The following RASA1 variants were observed in gnomAD, a reference collection of about 807,000 sequenced individuals.
The protein encoded by RASA1 is RAS p21 protein activator 1, also known as ras GTPase-activating protein 1.
In RASA1, 25 loss-of-function variants were observed where a neutral mutation model predicts 132.2. The ratio of observed to expected loss-of-function variants is 0.19; its 90% CI spans 0.14 to 0.26. The LOEUF is 0.26. Among genes scored for constraint, RASA1 ranks in the 10% least tolerant of loss-of-function variants. The pLI, the probability that RASA1 is intolerant of heterozygous loss-of-function variation, is 1.00. For missense variants in RASA1, 964 were observed against 1,299.2 expected, an observed-to-expected ratio of 0.74 and a Z score of 3.97; for synonymous variants, 477 against 449.9, an observed-to-expected ratio of 1.06 and a Z score of -0.76.
chr5:87,344,369 A>G (rs1353071414), intron 6 of RASA1, among the ~76,000 whole-genome samples: 1 of 152,160 alleles, frequency 6.6e-6, no homozygotes, highest in Non-Finnish European at 1.5e-5. Context: ...AAAAAATTGA[A>G]TCTTATACTG....
chr5:87,325,324 G>A (rs1757151658), intron 1 of RASA1, among the ~76,000 whole-genome samples: 1 of 152,202 alleles, frequency 6.6e-6, no homozygotes, highest in Non-Finnish European at 1.5e-5. Context: ...TACAATTCAA[G>A]ATGAGATTTG....
chr5:87,268,673 C>G lies in RASA1; in HGVS notation c.222C>G (p.Ala74=). The G allele has an allele frequency of 1.2e-6, 2 of 1,611,214 alleles. No homozygotes were observed. The highest frequency in any genetic ancestry group is 1.7e-6 in the Non-Finnish European group (2 of 1,178,842). Residue 74 remains alanine, a synonymous_variant, in exon 1 of 25, where the codon GCC becomes GCG. Coordinates refer to ENST00000274376, the MANE Select transcript of RASA1 (RefSeq NM_002890.3). ...CTTTGGGGTCAGAGTTCCTAGGAGC[C>G]GGGTCTGTGGCAGGGGCACTGGGGG... ...GAALGSEFLG[A]GSVAGALGGA...
chr5:87,375,512 C>T (rs1013242929), intron 15 of RASA1, among the ~76,000 whole-genome samples: 14 of 152,134 alleles, frequency 9.2e-5, no homozygotes, highest in Non-Finnish European at 1.6e-4. Context: ...CTGCCGGCCT[C>T]GGCCTCCCAA....
intron 9 of RASA1, among the ~76,000 whole-genome samples, chr5:87,359,277 G>A (rs1235553169): frequency 3.9e-5 from 6 of 152,164 alleles, no homozygotes; most frequent in Non-Finnish European, 7.4e-5. Flanking sequence ...TTCAATGGCT[G>A]TTAGACTCTA....
At chr5:87,352,658 GT>G (rs1759361521) in intron 8 of RASA1, among the ~76,000 whole-genome samples, 1 of 151,344 alleles carries the variant, frequency 6.6e-6, no homozygotes, top group South Asian at 2.1e-4. Flanking sequence ...TTAGCTGGGG[GT>G]TTTTTTCTTC....
chr5:87,374,943 A>G, intron 15 of RASA1, 27 bp downstream of exon 15: 1 of 1,593,798 alleles, frequency 6.3e-7, no homozygotes. Flanking sequence ...ACTTTCTAAA[A>G]TAGAAAAAGC....
In RASA1 at chr5:87,306,972, C is replaced by T. The variant is rs149491729; in HGVS notation, c.540-24376C>T. Among the ~76,000 whole-genome samples the T allele has an allele frequency of 2.6e-5, 4 of 152,264 alleles. No individual in the cohort carries two copies. In the South Asian group the frequency reaches 6.2e-4, roughly 24 times the overall value. ...CTCCTGGGCTCAAGCAGTCCTCTTG[C>T]CTCAGCCTCCTGAGTAGCTGGGGAC... is the stretch of plus-strand genomic sequence containing the variant. On this transcript the variant is annotated intron_variant, in intron 1 of 24. Transcript: ENST00000274376.
chr5:87,278,297 A>G (rs2410742), intron 1 of RASA1, among the ~76,000 whole-genome samples: 4,838 of 152,094 alleles, frequency 0.032, 162 homozygotes, highest in African/African-American at 0.074. Flanking sequence ...CTGTAATCCC[A>G]GCACTTTGGG....
chr5:87,338,209 A>T, intron 5 of RASA1, 118 bp downstream of exon 5: 1 of 1,495,884 alleles, frequency 6.7e-7, no homozygotes. Flanking sequence ...AACTTAATTG[A>T]TAAGTACAAG....
At chr5:87,291,400 G>T (rs539383169) in intron 1 of RASA1, among the ~76,000 whole-genome samples, 1 of 152,138 alleles carries the variant, frequency 6.6e-6, no homozygotes, top group African/African-American at 2.4e-5. Flanking sequence ...ATGGTGGTCA[G>T]CACACCTGTG....
At chr5:87,320,449 G>A (rs1756701757) in intron 1 of RASA1, among the ~76,000 whole-genome samples, 1 of 152,192 alleles carries the variant, frequency 6.6e-6, no homozygotes, top group Admixed American at 6.5e-5. Context: ...AGTTCTGTAG[G>A]CTGTACAGGA....
At chr5:87,287,390 A>G (rs867317976) in intron 1 of RASA1, among the ~76,000 whole-genome samples, 7 of 148,218 alleles carry the variant, frequency 4.7e-5, no homozygotes, top group Non-Finnish European at 7.5e-5. Flanking sequence ...CACACCATAT[A>G]TATACCATAT....
At chr5:87,378,563 T>G in intron 18 of RASA1, 25 bp downstream of exon 18, 1 of 1,578,742 alleles carries the variant, frequency 6.3e-7, no homozygotes, top group Non-Finnish European at 8.7e-7. Context: ...TTTTAATAAG[T>G]ATTTTTGCAA....
intron 17 of RASA1, 57 bp downstream of exon 17, chr5:87,377,097 G>A: frequency 6.6e-7 from 1 of 1,526,278 alleles, no homozygotes; most frequent in Non-Finnish European, 9.1e-7. Context: ...TTTATATCAA[G>A]GATATATGGA....
intron 13 of RASA1, 38 bp from the exon 14 acceptor site, chr5:87,374,125 C>T (rs895882166): frequency 2.3e-5 from 30 of 1,288,596 alleles, no homozygotes; most frequent in Non-Finnish European, 2.8e-5. Context: ...TTCTAGAAAT[C>T]TGGGGTAATA....
intron 1 of RASA1, among the ~76,000 whole-genome samples, chr5:87,302,384 C>G (rs1394835796): frequency 6.6e-6 from 1 of 151,844 alleles, no homozygotes; most frequent in Non-Finnish European, 1.5e-5. Flanking sequence ...TTCAAGTCTT[C>G]TGTCCAGTTT....
At position 87,372,107 on chromosome 5, in the gene RASA1, T is replaced by G. The variant is rs778350337; in HGVS notation, c.1699-11T>G. 6.2e-7 allele frequency: 1 copy of G among 1,612,354 alleles called. No individual in the cohort carries two copies. Among genetic ancestry groups the G allele is most frequent in the Admixed American group, 1.7e-5 (1 of 59,820 alleles). ...GTGTATATTTCTTTGAAGTGCTGTT[T>G]TTCTTTGCAGGATTGGATGAAAGGT... On this transcript the variant is annotated splice_polypyrimidine_tract_variant and intron_variant, in intron 12 of 24. Coordinates refer to ENST00000274376, the MANE Select transcript of RASA1 (RefSeq NM_002890.3).
intron 1 of RASA1, among the ~76,000 whole-genome samples, chr5:87,317,670 C>G (rs1383002501): frequency 6.7e-6 from 1 of 148,266 alleles, no homozygotes; most frequent in African/African-American, 2.5e-5. Context: ...GAATCTTGCT[C>G]TGTTGCCCAG....
At chr5:87,326,574 T>A (rs1190468791) in intron 1 of RASA1, among the ~76,000 whole-genome samples, 1 of 152,182 alleles carries the variant, frequency 6.6e-6, no homozygotes, top group East Asian at 1.9e-4. Context: ...GAGGGAGATT[T>A]ACTTTTAAAA....
Sources: allele counts gnomAD v4.1 joint callset (sites outside exome capture counted in the v4.1 genomes callset), GRCh38; gene constraint gnomAD v4.1.1; transcripts MANE v1.5; gene names NCBI Gene and HGNC (gene_info 2026-07-23, HGNC 2026-07-21).